PLCB1: variants seen among roughly 807,000 people sequenced by gnomAD.
The protein encoded by PLCB1 is phospholipase C beta 1.
PLCB1 carries 46 observed loss-of-function variants against 161.8 expected under a neutral mutation model. That is an observed-to-expected ratio of 0.28 (90% confidence interval 0.22 to 0.36). The LOEUF is 0.36. PLCB1 is among the 10% of genes least tolerant of loss of function. PLCB1 has a pLI of 1.00. For synonymous variants in PLCB1, 517 were observed against 503.7 expected (o/e 1.03, Z -0.35); for missense variants, 1,016 against 1,472.5 (o/e 0.69, Z 5.07).
chr20:8,820,521 A>T (rs932832775), intron 31 of PLCB1, among the ~76,000 whole-genome samples: 1 of 152,196 alleles, frequency 6.6e-6, no homozygotes, highest in Non-Finnish European at 1.5e-5. Flanking sequence ...GACAACTGTA[A>T]ACTGCAGGTG....
intron 3 of PLCB1, among the ~76,000 whole-genome samples, chr20:8,575,848 T>C (rs1986659345): frequency 6.6e-6 from 1 of 152,240 alleles, no homozygotes; most frequent in South Asian, 2.1e-4. Context: ...TGTCCCTTTG[T>C]TTTATATAAG....
intron 3 of PLCB1, among the ~76,000 whole-genome samples, chr20:8,396,810 C>T (rs144795219): frequency 1.7e-3 from 263 of 152,124 alleles, no homozygotes; most frequent in African/African-American, 5.8e-3. Context: ...TAACATGACA[C>T]TGTAAGCATG....
chr20:8,460,980 A>G (rs142103389), intron 3 of PLCB1, among the ~76,000 whole-genome samples: 78 of 152,328 alleles, frequency 5.1e-4, no homozygotes, highest in South Asian at 1.0e-3. Context: ...GTGCCATCCA[A>G]ATGAGTGGCC....
intron 2 of PLCB1, among the ~76,000 whole-genome samples, chr20:8,242,431 A>G (rs1980665074): frequency 6.6e-6 from 1 of 151,968 alleles, no homozygotes; most frequent in African/African-American, 2.4e-5. Context: ...TTTGAACCAC[A>G]AGGAACAGGA....
chr20:8,491,740 A>G (rs750851306), intron 3 of PLCB1, among the ~76,000 whole-genome samples: 7 of 152,108 alleles, frequency 4.6e-5, no homozygotes, highest in African/African-American at 9.7e-5. Flanking sequence ...ATTCTCAGCA[A>G]TATCTCCTCA....
At chr20:8,595,357 T>G (rs1423840000) in intron 3 of PLCB1, among the ~76,000 whole-genome samples, 2 of 143,178 alleles carry the variant, frequency 1.4e-5, no homozygotes, top group Non-Finnish European at 3.0e-5. Flanking sequence ...GGTGTTTGGT[T>G]TTTTGTTCTT....
chr20:8,497,812 A>G (rs1983239675), intron 3 of PLCB1, among the ~76,000 whole-genome samples: 1 of 152,236 alleles, frequency 6.6e-6, no homozygotes, highest in Non-Finnish European at 1.5e-5. Flanking sequence ...TACATTTTTA[A>G]AATCAGTTAA....
intron 31 of PLCB1, among the ~76,000 whole-genome samples, chr20:8,848,101 T>C (rs547135366): frequency 6.6e-6 from 1 of 152,282 alleles, no homozygotes; most frequent in African/African-American, 2.4e-5. Flanking sequence ...AAAAGGGCCC[T>C]CTTGACTTAA....
At chr20:8,396,158 G>A (rs1333795102) in intron 3 of PLCB1, among the ~76,000 whole-genome samples, 1 of 152,040 alleles carries the variant, frequency 6.6e-6, no homozygotes, top group Non-Finnish European at 1.5e-5. Flanking sequence ...CAAGATGTTA[G>A]ATAATAAATC....
chr20:8,883,703 AAC>A lies in PLCB1; in HGVS notation c.*1858_*1859del, dbSNP rs1419191248. ...AAGGAAACAGTGTTTGATTAAAAAAAACACATCTAGTAAGACGTAAGGGGAAA... is the reference window on the plus strand; with the variant it reads ...AAGGAAACAGTGTTTGATTAAAAAAAACATCTAGTAAGACGTAAGGGGAAA... On this transcript the variant is annotated 3_prime_UTR_variant, in exon 32 of 32. Transcript: ENST00000338037. The A allele has an allele frequency of 1.3e-5, 2 of 152,570 alleles. No individual in the cohort carries two copies. The highest frequency in any genetic ancestry group is 2.9e-5 in the Non-Finnish European group (2 of 67,988). The allele number at this position is 152,570 out of a possible 1,614,324, so 9.5% of individuals were successfully genotyped here.
At position 8,881,628 on chromosome 20, in the gene PLCB1, G is replaced by T. The variant is rs1366641897; in HGVS notation, c.3430G>T (p.Val1144Leu). ...CCCTCTTGATGTCTCTCAGCTGCAG[G>T]TGGAGCTGGAGCAAGAATACCAAGA... ...QILDEKPKLQ[V>L]ELEQEYQDKF... The change falls in exon 32 of 32, where the codon GTG becomes TTG. Residue 1144 changes from valine to leucine, a missense_variant. By Grantham distance (32) the Val-to-Leu change is conservative. This residue lies in a region of PLCB1 where 398 missense variants were observed against 445.4 expected (regional missense o/e 0.89). Coordinates refer to ENST00000338037, the MANE Select transcript of PLCB1 (RefSeq NM_015192.4). The T allele has an allele frequency of 6.2e-7, 1 of 1,613,016 alleles. No homozygotes were observed. The highest frequency in any genetic ancestry group is 1.7e-5 in the Admixed American group (1 of 60,004).
chr20:8,492,476 G>A (rs1277809820), intron 3 of PLCB1, among the ~76,000 whole-genome samples: 1 of 152,094 alleles, frequency 6.6e-6, no homozygotes, highest in Non-Finnish European at 1.5e-5. Context: ...TTCTCTGTGT[G>A]TGTGTGTTTG....
chr20:8,256,106 A>G (rs1389471524), intron 2 of PLCB1, among the ~76,000 whole-genome samples: 7 of 152,118 alleles, frequency 4.6e-5, no homozygotes, highest in Non-Finnish European at 8.8e-5. Context: ...TGCACAATGA[A>G]GTCAACTAAG....
At position 8,359,908 on chromosome 20, in the gene PLCB1, G is replaced by A. The variant is rs1289610370; in HGVS notation, c.178-11474G>A. Among the ~76,000 whole-genome samples the A allele has an allele frequency of 3.3e-5, 5 of 152,218 alleles. No individual in the cohort carries two copies. The South Asian group carries it at 8.3e-4, about 25-fold the overall frequency. On this transcript the variant is annotated intron_variant, in intron 2 of 31. Coordinates refer to ENST00000338037, the MANE Select transcript of PLCB1 (RefSeq NM_015192.4). ...GATTCAGAATAATTTCAAGTTTAAC[G>A]TTATTTTCTAAGTTGATTATTTGCA... is the stretch of plus-strand genomic sequence containing the variant.
chr20:8,316,464 A>G (rs1039790404), intron 2 of PLCB1, among the ~76,000 whole-genome samples: 1 of 152,104 alleles, frequency 6.6e-6, no homozygotes, highest in Non-Finnish European at 1.5e-5. Flanking sequence ...TGCTTATCCA[A>G]TATTTAAGAC....
chr20:8,260,990 G>T (rs6133560), intron 2 of PLCB1, among the ~76,000 whole-genome samples: 11,085 of 152,164 alleles, frequency 0.073, 497 homozygotes, highest in East Asian at 0.16. Flanking sequence ...AGAAAGCACG[G>T]CTGCCTTGCC....
chr20:8,460,484 G>GT (rs1981529959), intron 3 of PLCB1, among the ~76,000 whole-genome samples: 1 of 152,218 alleles, frequency 6.6e-6, no homozygotes, highest in Non-Finnish European at 1.5e-5. Flanking sequence ...AAAACACAAG[G>GT]TGAATGCATT....
At chr20:8,688,602 G>GT (rs946872688) in intron 10 of PLCB1, among the ~76,000 whole-genome samples, 1 of 152,088 alleles carries the variant, frequency 6.6e-6, no homozygotes, top group African/African-American at 2.4e-5. Context: ...TGAAAAGGGT[G>GT]TTTTTCCCCC....
chr20:8,689,144 T>C (rs915266464), intron 10 of PLCB1, among the ~76,000 whole-genome samples: 5 of 151,954 alleles, frequency 3.3e-5, no homozygotes, highest in Admixed American at 3.3e-4. Context: ...ATTATCTGCT[T>C]GGTCACTGTT....
Sources: allele counts gnomAD v4.1 joint callset (sites outside exome capture counted in the v4.1 genomes callset), GRCh38; gene constraint gnomAD v4.1.1; regional missense constraint gnomAD v4.1.1; transcripts MANE v1.5; gene names NCBI Gene and HGNC (gene_info 2026-07-23, HGNC 2026-07-21).